The following PHC2 variants were observed in gnomAD, a reference collection of about 807,000 sequenced individuals.
PHC2 encodes the protein polyhomeotic homolog 2.
A neutral mutation model predicts 87.4 loss-of-function variants in PHC2; 29 were observed. The ratio of observed to expected loss-of-function variants is 0.33; its 90% confidence interval spans 0.25 to 0.45. The LOEUF is 0.45. Among genes scored for constraint, PHC2 ranks in the 20% least tolerant of loss-of-function variants. The pLI is 1.00. For missense variants in PHC2, 857 were observed against 1,136.7 expected (o/e 0.75, Z 3.54); for synonymous variants, 438 against 461.7 (o/e 0.95, Z 0.66).
chr1:33,423,702 G>C (rs1650546536), intron 1 of PHC2, among the ~76,000 whole-genome samples: 1 of 152,168 alleles, frequency 6.6e-6, no homozygotes, highest in African/African-American at 2.4e-5. Flanking sequence ...TTAATTTGGG[G>C]CAAAACTTGG....
At chr1:33,343,867 T>TA (rs774916316) in intron 9 of PHC2, among the ~76,000 whole-genome samples, 27 of 152,180 alleles carry the variant, frequency 1.8e-4, no homozygotes, top group Non-Finnish European at 3.2e-4. Context: ...GAAGAAATGT[T>TA]ACCTCCACTG....
intron 14 of PHC2, chr1:33,325,758 C>T (rs953016482): frequency 9.8e-6 from 4 of 407,170 alleles, no homozygotes; most frequent in African/African-American, 8.3e-5. Flanking sequence ...GAATAATTTA[C>T]ATCATGGCAA....
chr1:33,365,079 C>T (rs1647369754), intron 7 of PHC2, among the ~76,000 whole-genome samples: 1 of 152,200 alleles, frequency 6.6e-6, no homozygotes, highest in African/African-American at 2.4e-5. Flanking sequence ...TTGACTCAGC[C>T]AGCTATGGCC....
In PHC2 at chr1:33,364,988, C is replaced by T. The variant is rs1647364432; in HGVS notation, c.976+2128G>A. 6.6e-6 allele frequency among the ~76,000 whole-genome samples: 1 copy of T among 152,176 alleles called. No homozygotes were observed. Among genetic ancestry groups the T allele is most frequent in the Non-Finnish European group, 1.5e-5 (1 of 68,034 alleles). On this transcript the variant is annotated intron_variant, in intron 7 of 14. Transcript: ENST00000683057. The surrounding 1 kb of genome is among the most constrained non-coding windows in gnomAD (Gnocchi z 4.1). ...CCCCCAGATACTTTCAGCTTTGGGTCAGAAACAGGAAAGGCTGAGGAGGCC... is the reference window on the plus strand; with the variant it reads ...CCCCCAGATACTTTCAGCTTTGGGTTAGAAACAGGAAAGGCTGAGGAGGCC...
intron 1 of PHC2, among the ~76,000 whole-genome samples, chr1:33,410,799 C>A (rs981133276): frequency 8.5e-5 from 13 of 152,124 alleles, no homozygotes; most frequent in African/African-American, 2.9e-4. Context: ...TTTTAAAATA[C>A]CTTCTTTACA....
chr1:33,415,418 T>C (rs941984840), intron 1 of PHC2, among the ~76,000 whole-genome samples: 2 of 152,140 alleles, frequency 1.3e-5, no homozygotes, highest in Non-Finnish European at 2.9e-5. Context: ...ATTGACAAAG[T>C]AGTGAGGGCT....
At chr1:33,366,850 T>G (rs995408891) in intron 7 of PHC2, among the ~76,000 whole-genome samples, 1 of 152,222 alleles carries the variant, frequency 6.6e-6, no homozygotes, top group African/African-American at 2.4e-5. Flanking sequence ...TCCACCGCTG[T>G]GGCTGCGTAC....
intron 1 of PHC2, among the ~76,000 whole-genome samples, chr1:33,421,878 TG>T (rs1189996136): frequency 1.3e-5 from 2 of 152,192 alleles, no homozygotes; most frequent in African/African-American, 4.8e-5. Context: ...CCCTTCACAT[TG>T]CTGATGTGTT....
chr1:33,369,163 C>G lies in PHC2; in HGVS notation c.577-541G>C, dbSNP rs1647667034. 6.6e-6 allele frequency among the ~76,000 whole-genome samples: 1 copy of G among 152,198 alleles called. No homozygotes were observed. Among genetic ancestry groups the G allele is most frequent in the Non-Finnish European group, 1.5e-5 (1 of 68,040 alleles). On this transcript the variant is annotated intron_variant, in intron 5 of 14. Coordinates refer to ENST00000683057, the MANE Select transcript of PHC2 (RefSeq NM_001385109.1). This position sits in a 1 kb window ranked among gnomAD's most constrained non-coding sequence, Gnocchi z 4.7. Reference sequence around the variant, plus strand: ...AGTTAGATTCAGAGGGGCCTAGAGACAACAACAGCAGAGGAAGCGGACCGC... The same window carrying G: ...AGTTAGATTCAGAGGGGCCTAGAGAGAACAACAGCAGAGGAAGCGGACCGC...
At chr1:33,372,108 T>C (rs963693944) in intron 3 of PHC2, among the ~76,000 whole-genome samples, 181 bp downstream of exon 3, 10 of 152,268 alleles carry the variant, frequency 6.6e-5, no homozygotes, top group African/African-American at 2.4e-4. Flanking sequence ...TGCATGACCC[T>C]GGGCTCTGTC....
intron 9 of PHC2, among the ~76,000 whole-genome samples, chr1:33,342,574 C>T (rs1225796935): frequency 6.6e-6 from 1 of 151,022 alleles, no homozygotes; most frequent in African/African-American, 2.4e-5. Flanking sequence ...TTCCAAACAG[C>T]TGCTTGAACG....
intron 1 of PHC2, among the ~76,000 whole-genome samples, chr1:33,407,349 A>G (rs1233404238): frequency 6.6e-6 from 1 of 152,204 alleles, no homozygotes; most frequent in Non-Finnish European, 1.5e-5. Flanking sequence ...TAGAAAATAA[A>G]TATTTTCAAG....
chr1:33,354,761 C>T, intron 8 of PHC2, 77 bp downstream of exon 8: 12 of 1,507,896 alleles, frequency 8.0e-6, no homozygotes, highest in Non-Finnish European at 1.1e-5. Context: ...CCAGAAGCAC[C>T]TCTTGACGGG....
At chr1:33,406,086 A>T (rs965097376) in intron 1 of PHC2, among the ~76,000 whole-genome samples, 1 of 152,238 alleles carries the variant, frequency 6.6e-6, no homozygotes, top group Non-Finnish European at 1.5e-5. Flanking sequence ...CTGAGAGAAG[A>T]ATGTAAATAT....
rs1482347425 is a variant in PHC2, at chr1:33,355,260, G to A, written c.977-7C>T. 1 of 1,558,182 alleles carries A rather than the reference G, an allele frequency of 6.4e-7. No homozygotes were observed. Among genetic ancestry groups the A allele is most frequent in the Non-Finnish European group, 8.7e-7 (1 of 1,149,428 alleles). On this transcript the variant is annotated splice_polypyrimidine_tract_variant and splice_region_variant and intron_variant, in intron 7 of 14. Coordinates refer to ENST00000683057, the MANE Select transcript of PHC2 (RefSeq NM_001385109.1). Reference sequence around the variant, plus strand: ...GGCTGCAGCTGAGCATAGGCTGAAAGGGGAAAGGCCAGGTTAGAGAGCATG... The same window carrying A: ...GGCTGCAGCTGAGCATAGGCTGAAAAGGGAAAGGCCAGGTTAGAGAGCATG...
rs148604609 is a variant in PHC2 at position 33,327,448 on chromosome 1, A to G, written c.2425+1422T>C. ...GTATTCTGCATGAGGAAGGAACACA[A>G]ATTTCTGGGGGTCATGGTGAACTAC... On this transcript the variant is annotated intron_variant, in intron 14 of 14. Coordinates refer to ENST00000683057, the MANE Select transcript of PHC2 (RefSeq NM_001385109.1). Among the ~76,000 whole-genome samples, 330 of 152,110 alleles carry G rather than the reference A, an allele frequency of 2.2e-3. 1 individual carries two copies. Among genetic ancestry groups the G allele is most frequent in the Non-Finnish European group, 3.9e-3 (262 of 67,986 alleles).
rs543065719 is a variant in PHC2 at position 33,352,685 on chromosome 1, T to C, written c.1558+1716A>G. Among the ~76,000 whole-genome samples, 16 of 152,198 alleles carry C rather than the reference T, an allele frequency of 1.1e-4. No homozygotes were observed. The South Asian group carries it at 3.3e-3, about 32-fold the overall frequency. ...TAAGACGAAACCTCAGAAACAAAAATGAAACCCAGCTCTCTGGAATTCAGG... is the reference window on the plus strand; with the variant it reads ...TAAGACGAAACCTCAGAAACAAAAACGAAACCCAGCTCTCTGGAATTCAGG... On this transcript the variant is annotated intron_variant, in intron 9 of 14. Transcript: ENST00000683057.
rs1338383287 is a variant in PHC2, at chr1:33,332,242, G to A, written c.1891+33C>T. The A allele has an allele frequency of 5.6e-6, 9 of 1,613,586 alleles. No homozygotes were observed. The Admixed American group carries it at 1.2e-4, about 21-fold the overall frequency. ...AGGCCTGCCTTTCCAGCCACGCTGG[G>A]AGGCCGAGAGATTCAGGGTCTGAGA... On this transcript the variant is annotated intron_variant, in intron 11 of 14. Transcript: ENST00000683057. This position sits in a 1 kb window ranked among gnomAD's most constrained non-coding sequence, Gnocchi z 4.2.
chr1:33,414,884 T>C (rs1417147702), intron 1 of PHC2, among the ~76,000 whole-genome samples: 1 of 152,204 alleles, frequency 6.6e-6, no homozygotes, highest in African/African-American at 2.4e-5. Context: ...AAAAATAAGT[T>C]TGAAACTTCT....
Sources: allele counts gnomAD v4.1 joint callset (sites outside exome capture counted in the v4.1 genomes callset), GRCh38; gene constraint gnomAD v4.1.1; non-coding constraint Gnocchi (gnomAD v3.1); transcripts MANE v1.5; gene names NCBI Gene and HGNC (gene_info 2026-07-23, HGNC 2026-07-21).